PDE3A: variants seen among roughly 807,000 people sequenced by gnomAD.
The protein encoded by PDE3A is phosphodiesterase 3A.
Under a neutral mutation model 98.3 loss-of-function variants are expected in PDE3A, and 43 were observed. The observed-to-expected ratio is 0.44, with a 90% CI of 0.34 to 0.56. The LOEUF (loss-of-function observed/expected upper bound fraction) is 0.56, where lower values mean the gene tolerates loss of function less well. PDE3A is among the 20% of genes least tolerant of loss of function. The pLI is 0.01. For synonymous variants in PDE3A, 663 were observed against 567.9 expected, an observed-to-expected ratio of 1.17 and a Z score of -2.38; for missense variants, 1,427 against 1,440.7, an observed-to-expected ratio of 0.99 and a Z score of 0.15.
intron 2 of PDE3A, chr12:20,572,171 G>C: frequency 8.1e-7 from 1 of 1,236,882 alleles, no homozygotes; most frequent in Admixed American, 2.4e-5. Context: ...ACTGGGAAAA[G>C]GTATGAATAA....
intron 2 of PDE3A, among the ~76,000 whole-genome samples, chr12:20,608,499 C>T (rs1943768721): frequency 6.6e-6 from 1 of 151,998 alleles, no homozygotes; most frequent in Admixed American, 6.6e-5. Context: ...TTTGCTTTTG[C>T]AAAAGCTACA....
intron 3 of PDE3A, among the ~76,000 whole-genome samples, 166 bp from the exon 4 acceptor site, chr12:20,616,064 T>C (rs1364483313): frequency 7.2e-6 from 1 of 138,156 alleles, no homozygotes; most frequent in East Asian, 2.1e-4. Context: ...CCAGAGAGTC[T>C]TTTATTAAAT....
chr12:20,633,956 T>G (rs1592132838), intron 7 of PDE3A, among the ~76,000 whole-genome samples, 178 bp downstream of exon 7: 1 of 152,272 alleles, frequency 6.6e-6, no homozygotes, highest in East Asian at 1.9e-4. Context: ...CGCCTCAGCC[T>G]CTTGAAGTAC....
chr12:20,656,787 C>T (rs779887356), intron 15 of PDE3A, among the ~76,000 whole-genome samples: 1 of 152,184 alleles, frequency 6.6e-6, no homozygotes, highest in East Asian at 1.9e-4. Flanking sequence ...GCTCTTTGAA[C>T]TCAAACACAT....
chr12:20,420,066 T>A (rs1420076297), intron 1 of PDE3A, among the ~76,000 whole-genome samples: 5 of 152,186 alleles, frequency 3.3e-5, no homozygotes, highest in African/African-American at 7.2e-5. Flanking sequence ...AGGAATTTTT[T>A]AAAAATCAGG....
In PDE3A at chr12:20,644,887, CCTTCT is replaced by C. The variant is rs151007956; in HGVS notation, c.2252-1602_2252-1598del. On this transcript the variant is annotated intron_variant, in intron 10 of 15. Coordinates refer to ENST00000359062, the MANE Select transcript of PDE3A (RefSeq NM_000921.5). Reference sequence around the variant, plus strand: ...CCCTCTTCCCCCTCTTCCTCTTCTTCCTTCTTTTTTTTTTTTTTTTGGATACAGTT... The same window carrying C: ...CCCTCTTCCCCCTCTTCCTCTTCTTCTTTTTTTTTTTTTTTGGATACAGTT... Among the ~76,000 whole-genome samples the C allele has an allele frequency of 8.2e-3, 717 of 87,902 alleles. 6 individuals are homozygous for C. The highest frequency in any genetic ancestry group is 0.031 in the African/African-American group (685 of 22,346). The allele number at this position is 87,902 out of a possible 152,430, so 57.7% of individuals were successfully genotyped here. A position where few individuals can be genotyped will look rare whatever the true frequency, so the allele number is the denominator to read the frequency against.
chr12:20,376,660 G>A (rs1290920676), intron 1 of PDE3A, among the ~76,000 whole-genome samples: 1 of 151,818 alleles, frequency 6.6e-6, no homozygotes, highest in Non-Finnish European at 1.5e-5. Context: ...ATTTTTGTAT[G>A]TTCAGGATTT....
intron 1 of PDE3A, among the ~76,000 whole-genome samples, chr12:20,494,078 C>G (rs1413317671): frequency 6.6e-6 from 1 of 152,174 alleles, no homozygotes; most frequent in African/African-American, 2.4e-5. Context: ...CTTCTAACCT[C>G]TAATTTTGGA....
intron 15 of PDE3A, among the ~76,000 whole-genome samples, chr12:20,660,116 A>G (rs951579983): frequency 6.6e-6 from 1 of 152,100 alleles, no homozygotes; most frequent in East Asian, 1.9e-4. Flanking sequence ...TTCTCATGAC[A>G]GTGAGTGACT....
At chr12:20,446,899 G>A (rs1393363769) in intron 1 of PDE3A, among the ~76,000 whole-genome samples, 4 of 152,146 alleles carry the variant, frequency 2.6e-5, no homozygotes, top group South Asian at 2.1e-4. Context: ...TGAGGGAACT[G>A]CAGTCCAAGG....
intron 1 of PDE3A, among the ~76,000 whole-genome samples, chr12:20,458,459 T>A (rs1383039850): frequency 6.6e-6 from 1 of 152,114 alleles, no homozygotes; most frequent in Non-Finnish European, 1.5e-5. Flanking sequence ...GGGTTACATT[T>A]TAGAAATAGC....
At chr12:20,637,862 ATGTT>A (rs1196782881) in intron 9 of PDE3A, among the ~76,000 whole-genome samples, 1 of 152,188 alleles carries the variant, frequency 6.6e-6, no homozygotes, top group Non-Finnish European at 1.5e-5. Context: ...GAATTTGAAA[ATGTT>A]TGTTTTAAAC....
chr12:20,661,490 C>T (rs1945169463), intron 15 of PDE3A, among the ~76,000 whole-genome samples: 1 of 152,178 alleles, frequency 6.6e-6, no homozygotes, highest in African/African-American at 2.4e-5. Context: ...CAGCCCCTCC[C>T]ATCACAGGCC....
intron 7 of PDE3A, 150 bp from the exon 8 acceptor site, chr12:20,634,752 C>G: frequency 1.6e-6 from 1 of 623,604 alleles, no homozygotes; most frequent in South Asian, 1.9e-5. Context: ...TGATGTTCTC[C>G]ACCCTATGAT....
chr12:20,581,232 T>A (rs1264551362), intron 2 of PDE3A, among the ~76,000 whole-genome samples: 2 of 152,208 alleles, frequency 1.3e-5, no homozygotes, highest in Non-Finnish European at 2.9e-5. Flanking sequence ...TAAATTAGAA[T>A]AGCGGGTAAA....
chr12:20,483,165 C>A (rs1448284196), intron 1 of PDE3A, among the ~76,000 whole-genome samples: 2 of 151,904 alleles, frequency 1.3e-5, no homozygotes, highest in East Asian at 3.9e-4. Context: ...CCGAGGTGGG[C>A]GGATCGCGAG....
intron 1 of PDE3A, among the ~76,000 whole-genome samples, chr12:20,442,288 G>A (rs528717032): frequency 5.3e-5 from 8 of 152,182 alleles, no homozygotes; most frequent in Non-Finnish European, 1.0e-4. Flanking sequence ...GATAGGCTAA[G>A]CTATCTTGCA....
intron 1 of PDE3A, among the ~76,000 whole-genome samples, chr12:20,379,424 G>A (rs1040894761): frequency 1.3e-5 from 2 of 151,740 alleles, no homozygotes; most frequent in Non-Finnish European, 3.0e-5. Flanking sequence ...GAGAGAGCCT[G>A]CTGAACTGCT....
intron 1 of PDE3A, among the ~76,000 whole-genome samples, chr12:20,463,029 C>T (rs1164096252): frequency 1.3e-5 from 2 of 152,040 alleles, no homozygotes; most frequent in Non-Finnish European, 2.9e-5. Context: ...GTCTTGGCCC[C>T]CGCAAAGTGC....
Sources: gnomAD v4.1 joint callset for allele counts (sites outside exome capture counted in the v4.1 genomes callset) on GRCh38, gnomAD v4.1.1 for gene constraint, MANE v1.5 for transcripts, NCBI Gene and HGNC (gene_info 2026-07-23, HGNC 2026-07-21) for gene names.